TRPV5: variants seen among roughly 807,000 people sequenced by gnomAD.
TRPV5 encodes transient receptor potential cation channel subfamily V member 5.
A neutral mutation model predicts 74.1 loss-of-function variants in TRPV5; 66 were observed. That is an observed-to-expected ratio of 0.89 (90% CI 0.73 to 1.09). The LOEUF is 1.09. Ranked by LOEUF, TRPV5 falls within the 50% of genes least tolerant of loss-of-function variation. The pLI is 0.00. For synonymous variants in TRPV5, 399 were observed against 360.7 expected (o/e 1.11, Z -1.20); for missense variants, 936 against 930.4 (o/e 1.01, Z -0.08).
In TRPV5 at chr7:142,915,543, A is replaced by T; in HGVS notation, c.1148T>A (p.Ile383Asn). 6.2e-7 allele frequency: 1 copy of T among 1,614,134 alleles called. No individual in the cohort carries two copies. Among genetic ancestry groups the T allele is most frequent in the South Asian group, 1.1e-5 (1 of 91,078 alleles). Residue 383 changes from isoleucine to asparagine, a missense_variant, in exon 9 of 15, where the codon ATC becomes AAC. Transcript: ENST00000265310. Reference protein sequence around the residue: ...LQEAYETREDIIRLVGELVSI... With the variant: ...LQEAYETREDNIRLVGELVSI... ...CACCAGCTCCCCCACCAGCCTGATGATATCTTCACGTGTCTCATAGGCCTC... is the reference window on the plus strand; with the variant it reads ...CACCAGCTCCCCCACCAGCCTGATGTTATCTTCACGTGTCTCATAGGCCTC...
chr7:142,928,929 C>G, intron 5 of TRPV5, 63 bp from the exon 6 acceptor site: 2 of 1,611,716 alleles, frequency 1.2e-6, no homozygotes, highest in Admixed American at 1.7e-5. Flanking sequence ...CCCATCCCCA[C>G]TCTGGGGTCT....
intron 14 of TRPV5, 45 bp downstream of exon 14, chr7:142,909,445 G>C (rs1459700196): frequency 6.2e-7 from 1 of 1,602,154 alleles, no homozygotes; most frequent in South Asian, 1.1e-5. Flanking sequence ...TGCTTCCGTG[G>C]CCTTATACAC....
rs1795943090 is a variant in TRPV5, at chr7:142,924,347, TATATA to T, written c.1122+1177_1122+1181del. On this transcript the variant is annotated intron_variant, in intron 8 of 14. Transcript: ENST00000265310. ...ACATGTATATATATACATATATATA[TATATA>T]GACATATACATGTATATATATACAT... 2.0e-4 allele frequency among the ~76,000 whole-genome samples: 2 copies of T among 9,934 alleles called. 1 individual carries two copies. The highest frequency in any genetic ancestry group is 4.4e-4 in the African/African-American group (2 of 4,532). The allele number at this position is 9,934 out of a possible 152,430, so 6.5% of individuals were successfully genotyped here.
At chr7:142,924,391 T>TAC (rs371132752) in intron 8 of TRPV5, among the ~76,000 whole-genome samples, 7,990 of 112,102 alleles carry the variant, frequency 0.071, 1,681 homozygotes, top group African/African-American at 0.28. Flanking sequence ...TATATATATA[T>TAC]ACATATACAT....
intron 12 of TRPV5, among the ~76,000 whole-genome samples, chr7:142,914,121 C>T (rs1275910447): frequency 6.6e-6 from 1 of 152,190 alleles, no homozygotes; most frequent in Non-Finnish European, 1.5e-5. Context: ...TTCAAACTGT[C>T]CAAGCTGTTT....
At chr7:142,915,103 C>G (rs1288736493) in intron 10 of TRPV5, 57 bp from the exon 11 acceptor site, 18 of 1,592,892 alleles carry the variant, frequency 1.1e-5, no homozygotes, top group Non-Finnish European at 1.5e-5. Flanking sequence ...TAGGTCCCTA[C>G]AGCATAGTGG....
At chr7:142,920,442 A>G (rs548490694) in intron 8 of TRPV5, among the ~76,000 whole-genome samples, 7 of 151,692 alleles carry the variant, frequency 4.6e-5, no homozygotes, top group Admixed American at 3.9e-4. Context: ...TCTATATCTG[A>G]TCCTCTCCCA....
chr7:142,927,274 A>G (rs1328441863), intron 7 of TRPV5, among the ~76,000 whole-genome samples: 1 of 152,196 alleles, frequency 6.6e-6, no homozygotes, highest in Non-Finnish European at 1.5e-5. Flanking sequence ...GGCATATGTC[A>G]TGCTCTGTTG....
intron 8 of TRPV5, among the ~76,000 whole-genome samples, chr7:142,919,404 G>A (rs980735369): frequency 2.0e-5 from 3 of 152,146 alleles, no homozygotes; most frequent in African/African-American, 2.4e-5. Context: ...CCTAAGAGAC[G>A]CAGAAGGGTG....
At chr7:142,927,542 A>T (rs930282178) in intron 7 of TRPV5, among the ~76,000 whole-genome samples, 3 of 152,204 alleles carry the variant, frequency 2.0e-5, no homozygotes, top group Non-Finnish European at 4.4e-5. Flanking sequence ...CAATCATGGC[A>T]AAAGGCCAAG....
intron 12 of TRPV5, among the ~76,000 whole-genome samples, 191 bp from the exon 13 acceptor site, chr7:142,912,941 A>G (rs1586214692): frequency 6.6e-6 from 1 of 152,176 alleles, no homozygotes; most frequent in East Asian, 1.9e-4. Flanking sequence ...TTCCTGTGGA[A>G]CTGTCTAACC....
chr7:142,908,802 C>T lies in TRPV5; in HGVS notation c.1902G>A (p.Glu634=), dbSNP rs987324230. 4 of 1,609,452 alleles carry T rather than the reference C, an allele frequency of 2.5e-6. No individual in the cohort carries two copies. The African/African-American group carries it at 5.3e-5, about 22-fold the overall frequency. Residue 634 remains glutamate (E), a synonymous_variant, in exon 15 of 15, where the codon GAG becomes GAA. Coordinates refer to ENST00000265310, the MANE Select transcript of TRPV5 (RefSeq NM_019841.7). ...GLGDRWFLRV[E]NHNDQNPLRV... ...GCAGAGGATTCTGATCATTGTGGTT[C>T]TCAACCCTGATAAGGGGAAAGGGGA... is the stretch of plus-strand genomic sequence containing the variant.
In TRPV5 at chr7:142,915,101, T is replaced by C. The variant is rs973261315; in HGVS notation, c.1287-55A>G. 40 of 1,591,266 alleles carry C rather than the reference T, an allele frequency of 2.5e-5. No homozygotes were observed. The African/African-American group carries it at 5.0e-4, about 20-fold the overall frequency. On this transcript the variant is annotated intron_variant, in intron 10 of 14. Coordinates refer to ENST00000265310, the MANE Select transcript of TRPV5 (RefSeq NM_019841.7). ...ACAAGCTGGAACTATTTTAGGTCCC[T>C]ACAGCATAGTGGTGACCGGGGTGGT...
chr7:142,918,833 C>T (rs189944743), intron 8 of TRPV5, among the ~76,000 whole-genome samples: 23 of 152,236 alleles, frequency 1.5e-4, no homozygotes, highest in East Asian at 3.9e-4. Flanking sequence ...GTCATGAGCA[C>T]GATGTACGTC....
intron 12 of TRPV5, 34 bp from the exon 13 acceptor site, chr7:142,912,784 A>T: frequency 6.2e-7 from 1 of 1,601,038 alleles, no homozygotes; most frequent in Non-Finnish European, 8.5e-7. Flanking sequence ...TGGAGATGGG[A>T]TAATGGAGTT....
intron 7 of TRPV5, among the ~76,000 whole-genome samples, chr7:142,927,064 A>T (rs1385570198): frequency 6.6e-6 from 1 of 152,104 alleles, no homozygotes; most frequent in Non-Finnish European, 1.5e-5. Flanking sequence ...CACATCACTC[A>T]ACCCAGCATT....
intron 12 of TRPV5, among the ~76,000 whole-genome samples, chr7:142,914,107 C>T (rs1287531227): frequency 6.6e-6 from 1 of 152,178 alleles, no homozygotes; most frequent in Non-Finnish European, 1.5e-5. Context: ...TTTTCTCTGT[C>T]ATCTTCAAAC....
chr7:142,924,759 T>C (rs1795955487), intron 8 of TRPV5: 1 of 152,202 alleles, frequency 6.6e-6, no homozygotes, highest in Non-Finnish European at 1.5e-5. Flanking sequence ...ACAAAAATTT[T>C]AGTAATCCAC....
rs4236481 is a variant in TRPV5, at chr7:142,929,678, C to G, written c.350-113G>C. Reference sequence around the variant, plus strand: ...TTCCTGATAGATCTTTGCTAGACTTCTGCCCTGGGCTTGGCAGGGTGGCCT... The same window carrying G: ...TTCCTGATAGATCTTTGCTAGACTTGTGCCCTGGGCTTGGCAGGGTGGCCT... On this transcript the variant is annotated intron_variant, in intron 3 of 14. Transcript: ENST00000265310. 2.5e-5 allele frequency: 38 copies of G among 1,494,264 alleles called. No homozygotes were observed. In the Admixed American group the frequency reaches 7.9e-4, roughly 31 times the overall value. The allele number at this position is 1,494,264 out of a possible 1,614,324, so 92.6% of individuals were successfully genotyped here.
Sources: gnomAD v4.1 joint callset for allele counts (sites outside exome capture counted in the v4.1 genomes callset) on GRCh38, gnomAD v4.1.1 for gene constraint, MANE v1.5 for transcripts, NCBI Gene and HGNC (gene_info 2026-07-23, HGNC 2026-07-21) for gene names.